FALEC: variants seen among roughly 807,000 people sequenced by gnomAD.
FALEC encodes focally amplified lncRNA regulator of ECM1.
the FALEC span, among the ~76,000 whole-genome samples, chr1:150,528,605 G>A: frequency 6.9e-6 from 1 of 145,654 alleles, no homozygotes; most frequent in African/African-American, 2.5e-5. Context: ...TTTTTGAGAT[G>A]GAGTCTCACT....
At chr1:150,529,525 G>A in the FALEC span, among the ~76,000 whole-genome samples, 1,761 of 152,212 alleles carry the variant, frequency 0.012, 42 homozygotes, top group African/African-American at 0.04. Flanking sequence ...AAAGGCTGAA[G>A]CATTTACCCC....
At chr1:150,535,786 A>G in the FALEC span, among the ~76,000 whole-genome samples, 127 of 152,338 alleles carry the variant, frequency 8.3e-4, 2 homozygotes, top group East Asian at 0.024. Flanking sequence ...GTGATCCACA[A>G]AAGGGCCCCA....
At chr1:150,526,517 A>G in the FALEC span, among the ~76,000 whole-genome samples, 5 of 104,926 alleles carry the variant, frequency 4.8e-5, no homozygotes, top group South Asian at 7.8e-4. Flanking sequence ...GCTGTTATCT[A>G]TTGAACCTAA....
chr1:150,530,294 A>C, the FALEC span, among the ~76,000 whole-genome samples: 2 of 152,218 alleles, frequency 1.3e-5, no homozygotes. Flanking sequence ...CTGGGTACTT[A>C]CTAATAGGAC....
downstream of FALEC, among the ~76,000 whole-genome samples, chr1:150,520,684 A>G (rs1407000177): frequency 6.6e-6 from 1 of 152,010 alleles, no homozygotes. Context: ...TGGAATCAGA[A>G]TAATTACAAC....
chr1:150,523,348 A>AT, the FALEC span, among the ~76,000 whole-genome samples: 6 of 150,860 alleles, frequency 4.0e-5, no homozygotes, highest in African/African-American at 1.5e-4. Context: ...TGTTACTAAA[A>AT]TTTTTTTAAA....
the FALEC span, among the ~76,000 whole-genome samples, chr1:150,526,982 C>A: frequency 6.7e-6 from 1 of 149,630 alleles, no homozygotes; most frequent in Non-Finnish European, 1.5e-5. Flanking sequence ...GTCACCCAGG[C>A]TGGATTGCAG....
At chr1:150,534,369 C>A in the FALEC span, among the ~76,000 whole-genome samples, 8 of 152,226 alleles carry the variant, frequency 5.3e-5, no homozygotes, top group Non-Finnish European at 8.8e-5. Context: ...AGCCCCGCAC[C>A]TTCATAGAAA....
chr1:150,522,847 CTCTCTA>C (rs200370369), downstream of FALEC, among the ~76,000 whole-genome samples: 2,414 of 91,038 alleles, frequency 0.027, 142 homozygotes, highest in East Asian at 0.052. Context: ...CTCTCTCTCT[CTCTCTA>C]TATATATATA....
chr1:150,526,926 G>A, the FALEC span, among the ~76,000 whole-genome samples: 2 of 151,532 alleles, frequency 1.3e-5, no homozygotes, highest in African/African-American at 4.8e-5. Context: ...GAGCCACCAC[G>A]CCTGGCCTAT....
the FALEC span, among the ~76,000 whole-genome samples, chr1:150,529,853 T>C: frequency 6.6e-6 from 1 of 152,116 alleles, no homozygotes; most frequent in East Asian, 1.9e-4. Context: ...CACCTCAGCC[T>C]CCCAAAGTGC....
At chr1:150,520,244 T>C (rs1398180185), downstream of FALEC, among the ~76,000 whole-genome samples, 1 of 152,204 alleles carries the variant, frequency 6.6e-6, no homozygotes. Context: ...TTCACAATAT[T>C]GTACAACCGT....
the FALEC span, among the ~76,000 whole-genome samples, chr1:150,526,856 G>A: frequency 3.3e-5 from 5 of 151,490 alleles, no homozygotes; most frequent in South Asian, 4.2e-4. Flanking sequence ...GGATGGTCTC[G>A]ATCTCCTGAC....
chr1:150,520,262 A>G (rs1489105410), downstream of FALEC, among the ~76,000 whole-genome samples: 11 of 152,230 alleles, frequency 7.2e-5, no homozygotes, highest in African/African-American at 7.2e-5. Flanking sequence ...CGTCACCACT[A>G]TCTATTCCAA....
At chr1:150,532,018 CCT>C in the FALEC span, among the ~76,000 whole-genome samples, 1 of 152,182 alleles carries the variant, frequency 6.6e-6, no homozygotes, top group African/African-American at 2.4e-5. Flanking sequence ...CATTCTCCTG[CCT>C]CTCAGCCTCC....
At chr1:150,527,185 C>G in the FALEC span, among the ~76,000 whole-genome samples, 1 of 151,832 alleles carries the variant, frequency 6.6e-6, no homozygotes, top group African/African-American at 2.4e-5. Context: ...AGGTGATCAG[C>G]CTGGCTCAGC....
chr1:150,536,715 G>A, the FALEC span, among the ~76,000 whole-genome samples: 1 of 152,154 alleles, frequency 6.6e-6, no homozygotes, highest in Non-Finnish European at 1.5e-5. Flanking sequence ...TTTGAACCTG[G>A]GAGGTCGAGG....
chr1:150,526,349 C>CA, the FALEC span, among the ~76,000 whole-genome samples: 1,134 of 61,178 alleles, frequency 0.019, 17 homozygotes, highest in East Asian at 0.056. Flanking sequence ...AACTCCGTCT[C>CA]AAAAAAAAAA....
chr1:150,525,777 G>A, the FALEC span, among the ~76,000 whole-genome samples: 1 of 151,868 alleles, frequency 6.6e-6, no homozygotes, highest in Non-Finnish European at 1.5e-5. Flanking sequence ...TCAGGCTCCC[G>A]AGTAACTGGA....
Sources: gnomAD v4.1 joint callset for allele counts (sites outside exome capture counted in the v4.1 genomes callset) on GRCh38, gnomAD v4.1.1 for gene constraint, MANE v1.5 for transcripts, NCBI Gene and HGNC (gene_info 2026-07-23, HGNC 2026-07-21) for gene names.